CBFA2T2: variants seen among roughly 807,000 people sequenced by gnomAD.
CBFA2T2 encodes CBFA2/RUNX1 partner transcriptional co-repressor 2, also known as protein CBFA2T2.
CBFA2T2 carries 11 observed loss-of-function variants against 62.2 expected under a neutral mutation model. The ratio of observed to expected loss-of-function variants is 0.18; its 90% CI spans 0.11 to 0.29. The LOEUF is 0.29. Among genes scored for constraint, CBFA2T2 ranks in the 10% least tolerant of loss-of-function variants. The pLI, the probability that CBFA2T2 is intolerant of heterozygous loss-of-function variation, is 1.00. For missense variants in CBFA2T2, 592 were observed against 774.1 expected, an observed-to-expected ratio of 0.76 and a Z score of 2.79; for synonymous variants, 295 against 287.5, an observed-to-expected ratio of 1.03 and a Z score of -0.27.
chr20:33,548,409 A>C (rs186415265), intron 1 of CBFA2T2, among the ~76,000 whole-genome samples: 145 of 151,568 alleles, frequency 9.6e-4, no homozygotes, highest in Non-Finnish European at 1.7e-3. Flanking sequence ...GCACCTGGCT[A>C]ATTTTTGTAA....
chr20:33,642,110 T>TGTG (rs2016866541), intron 10 of CBFA2T2, among the ~76,000 whole-genome samples: 2 of 77,046 alleles, frequency 2.6e-5, no homozygotes, highest in East Asian at 2.7e-4. Context: ...TTTGTCTTTT[T>TGTG]TTTTTTTGTG....
At chr20:33,639,777 G>A (rs1353996656) in intron 9 of CBFA2T2, 1 of 152,696 alleles carries the variant, frequency 6.5e-6, no homozygotes, top group Non-Finnish European at 1.5e-5. Flanking sequence ...TGTAGTCCTA[G>A]CTACTCAGAA....
chr20:33,540,158 T>C (rs1267611065), intron 1 of CBFA2T2, among the ~76,000 whole-genome samples: 1 of 152,246 alleles, frequency 6.6e-6, no homozygotes, highest in Non-Finnish European at 1.5e-5. Context: ...TTGGTAACTA[T>C]AAACCATTTA....
intron 1 of CBFA2T2, among the ~76,000 whole-genome samples, chr20:33,544,010 G>A (rs745315132): frequency 4.3e-4 from 66 of 151,958 alleles, no homozygotes; most frequent in Non-Finnish European, 7.9e-4. Flanking sequence ...CTGGATTATT[G>A]GAGTTGCTTC....
At chr20:33,501,185 C>G (rs1343658101) in intron 1 of CBFA2T2, among the ~76,000 whole-genome samples, 1 of 152,156 alleles carries the variant, frequency 6.6e-6, no homozygotes, top group African/African-American at 2.4e-5. Flanking sequence ...GTCAAATTAG[C>G]TGATGGTGAC....
chr20:33,575,833 A>G (rs2013796739), intron 1 of CBFA2T2, among the ~76,000 whole-genome samples: 1 of 152,076 alleles, frequency 6.6e-6, no homozygotes, highest in Non-Finnish European at 1.5e-5. Flanking sequence ...GCTGGAGTGC[A>G]GTGGCGCGAT....
At chr20:33,498,872 G>A (rs2011234395) in intron 1 of CBFA2T2, among the ~76,000 whole-genome samples, 1 of 151,936 alleles carries the variant, frequency 6.6e-6, no homozygotes, top group South Asian at 2.1e-4. Flanking sequence ...GCAAAACCCC[G>A]TCTCTTCTAA....
intron 8 of CBFA2T2, 118 bp downstream of exon 8, chr20:33,630,032 T>C: frequency 4.6e-6 from 4 of 878,622 alleles, no homozygotes; most frequent in Non-Finnish European, 6.7e-6. Context: ...ATTGTGGATT[T>C]AGGGAAACTC....
intron 1 of CBFA2T2, among the ~76,000 whole-genome samples, chr20:33,605,225 G>A (rs142725028): frequency 3.9e-4 from 59 of 152,294 alleles, no homozygotes; most frequent in African/African-American, 1.3e-3. Flanking sequence ...TGCCAGGATC[G>A]TGAACACTCT....
chr20:33,544,127 GT>G (rs1218467090), intron 1 of CBFA2T2, among the ~76,000 whole-genome samples: 1 of 152,172 alleles, frequency 6.6e-6, no homozygotes, highest in African/African-American at 2.4e-5. Context: ...TCAGAACCCT[GT>G]TAATGACTCC....
chr20:33,536,586 C>T (rs1296672981), intron 1 of CBFA2T2, among the ~76,000 whole-genome samples: 2 of 149,332 alleles, frequency 1.3e-5, no homozygotes, highest in Non-Finnish European at 3.0e-5. Flanking sequence ...GACGGGGCGG[C>T]TGCCGGGCGG....
chr20:33,529,686 A>AC (rs1351708942), intron 1 of CBFA2T2, among the ~76,000 whole-genome samples: 5 of 150,864 alleles, frequency 3.3e-5, no homozygotes, highest in African/African-American at 1.2e-4. Flanking sequence ...AAACAAACAA[A>AC]AAAAAACTAG....
At chr20:33,579,136 A>G (rs2013988227) in intron 1 of CBFA2T2, among the ~76,000 whole-genome samples, 1 of 147,464 alleles carries the variant, frequency 6.8e-6, no homozygotes, top group South Asian at 2.1e-4. Flanking sequence ...TTTTTAAGGA[A>G]AGCGTCTCCT....
chr20:33,556,886 T>G (rs535283953), intron 1 of CBFA2T2, among the ~76,000 whole-genome samples: 17 of 152,272 alleles, frequency 1.1e-4, no homozygotes, highest in Middle Eastern at 3.4e-3. Flanking sequence ...TTTTGATGCT[T>G]AAATTGTTGC....
chr20:33,623,681 C>T, intron 5 of CBFA2T2: 1 of 647,916 alleles, frequency 1.5e-6, no homozygotes, highest in Non-Finnish European at 2.8e-6. Flanking sequence ...CTCAACCTCC[C>T]AAAGTGCTGG....
At chr20:33,561,647 T>G (rs1019531882) in intron 1 of CBFA2T2, among the ~76,000 whole-genome samples, 3 of 152,248 alleles carry the variant, frequency 2.0e-5, no homozygotes, top group African/African-American at 7.2e-5. Flanking sequence ...TTCATTGTTA[T>G]TGTTCTTAAA....
intron 1 of CBFA2T2, among the ~76,000 whole-genome samples, chr20:33,604,464 C>T (rs2122281104): frequency 6.6e-6 from 1 of 152,308 alleles, no homozygotes; most frequent in Non-Finnish European, 1.5e-5. Context: ...GTCTTCATAC[C>T]TGTGCTTTTT....
At chr20:33,630,944 A>C in intron 8 of CBFA2T2, among the ~76,000 whole-genome samples, 1 of 152,238 alleles carries the variant, frequency 6.6e-6, no homozygotes, top group Admixed American at 6.6e-5. Flanking sequence ...TGGAATTACA[A>C]CCATTAGGTG....
At position 33,493,002 on chromosome 20, in the gene CBFA2T2, C is replaced by T. The variant is rs139175287; in HGVS notation, c.34+2701C>T. ...TCCTGACCTCAAGTGATCTGCCCGC[C>T]TCAGCCTCCCAAAGTTCTGGGATTA... is the stretch of plus-strand genomic sequence containing the variant. On this transcript the variant is annotated intron_variant, in intron 1 of 10. Coordinates refer to ENST00000342704, the MANE Select transcript of CBFA2T2 (RefSeq NM_001032999.3). 5.2e-3 allele frequency among the ~76,000 whole-genome samples: 786 copies of T among 151,622 alleles called. 2 individuals carry two copies. Among genetic ancestry groups the T allele is most frequent in the Middle Eastern group, 0.024 (7 of 288 alleles).
Sources: gnomAD v4.1 joint callset for allele counts (sites outside exome capture counted in the v4.1 genomes callset) on GRCh38, gnomAD v4.1.1 for gene constraint, MANE v1.5 for transcripts, NCBI Gene and HGNC (gene_info 2026-07-23, HGNC 2026-07-21) for gene names.